LMO7: variants seen among roughly 807,000 people sequenced by gnomAD.
LMO7 encodes the protein LIM domain 7.
A neutral mutation model predicts 206.5 loss-of-function variants in LMO7; 120 were observed. The observed-to-expected ratio is 0.58, with a 90% CI of 0.50 to 0.68. The LOEUF (loss-of-function observed/expected upper bound fraction) is 0.68, where lower values mean the gene tolerates loss of function less well. Ranked by LOEUF, LMO7 falls within the 30% of genes least tolerant of loss-of-function variation. The probability of loss-of-function intolerance (pLI) is 0.00; values close to 1 mark genes in which losing one functional copy is unlikely to be tolerated. For synonymous variants in LMO7, 706 were observed against 681.5 expected, an observed-to-expected ratio of 1.04 and a Z score of -0.56; for missense variants, 1,959 against 1,957.9, an observed-to-expected ratio of 1.00 and a Z score of -0.01.
intron 11 of LMO7, among the ~76,000 whole-genome samples, chr13:75,814,820 G>T (rs2056806766): frequency 6.6e-6 from 1 of 152,154 alleles, no homozygotes; most frequent in Admixed American, 6.5e-5. Context: ...CTGGAAGTGA[G>T]AGAGAAGCTA....
intron 19 of LMO7, among the ~76,000 whole-genome samples, 166 bp downstream of exon 19, chr13:75,836,623 G>A (rs2273995): frequency 0.015 from 2,252 of 152,282 alleles, 50 homozygotes; most frequent in East Asian, 0.1. Context: ...GTGGAAGGGC[G>A]TTCAGTTCCA....
In LMO7 at chr13:75,805,194, G is replaced by A. The variant is rs868290358; in HGVS notation, c.915-285G>A. 109 of 1,230,798 alleles carry A rather than the reference G, an allele frequency of 8.9e-5. No homozygotes were observed. In the South Asian group the frequency reaches 1.4e-3, roughly 16 times the overall value. The allele number at this position is 1,230,798 out of a possible 1,614,324, so 76.2% of individuals were successfully genotyped here. On this transcript the variant is annotated intron_variant, in intron 8 of 30. Coordinates refer to ENST00000377534, the MANE Select transcript of LMO7 (RefSeq NM_001306080.2). The stretch of plus-strand genomic sequence containing the variant: ...GGATCTGGCTGTCTATTATGCTGCT[G>A]ATTTTAATTCAGAAAGTAACACCCC...
intron 2 of LMO7, among the ~76,000 whole-genome samples, chr13:75,629,589 A>G (rs1423069204): frequency 6.6e-6 from 1 of 152,200 alleles, no homozygotes; most frequent in Non-Finnish European, 1.5e-5. Flanking sequence ...TCGTGGTTAG[A>G]GAAGCAGGAA....
chr13:75,844,956 G>A (rs558711424), intron 25 of LMO7, among the ~76,000 whole-genome samples: 9 of 152,272 alleles, frequency 5.9e-5, no homozygotes, highest in Admixed American at 2.0e-4. Context: ...GGGGAAGTGG[G>A]ACAGTCTGAC....
intron 15 of LMO7, among the ~76,000 whole-genome samples, chr13:75,830,882 A>G (rs572573981): frequency 6.6e-6 from 1 of 152,276 alleles, no homozygotes; most frequent in African/African-American, 2.4e-5. Context: ...CCTGTCTTTT[A>G]TTCTTCAAGC....
rs762244308 is a variant in LMO7, at chr13:75,727,025, T to A, written c.141-4T>A. On this transcript the variant is annotated splice_polypyrimidine_tract_variant and splice_region_variant and intron_variant, in intron 2 of 30. Transcript: ENST00000377534. ...AATTGCATCTGTTATTTATTTACTT[T>A]CAGTTTGATTAATAAGCTTAAACCT... The A allele has an allele frequency of 2.0e-6, 3 of 1,525,154 alleles. No homozygotes were observed. Among genetic ancestry groups the A allele is most frequent in the Admixed American group, 1.7e-5 (1 of 59,482 alleles). The allele number at this position is 1,525,154 out of a possible 1,614,324, so 94.5% of individuals were successfully genotyped here. A position where few individuals can be genotyped will look rare whatever the true frequency, so the allele number is the denominator to read the frequency against.
intron 11 of LMO7, among the ~76,000 whole-genome samples, chr13:75,813,362 T>C (rs184104213): frequency 3.3e-5 from 5 of 152,338 alleles, no homozygotes; most frequent in Non-Finnish European, 7.4e-5. Flanking sequence ...TTAAAAATGC[T>C]ACCCACACAG....
intron 7 of LMO7, among the ~76,000 whole-genome samples, chr13:75,802,895 G>A (rs1432104368): frequency 6.6e-6 from 1 of 152,132 alleles, no homozygotes; most frequent in Admixed American, 6.5e-5. Flanking sequence ...ACATTCTCTA[G>A]TTTTACGTGA....
intron 4 of LMO7, among the ~76,000 whole-genome samples, chr13:75,789,488 G>C (rs1320590660): frequency 6.6e-6 from 1 of 152,150 alleles, no homozygotes; most frequent in Non-Finnish European, 1.5e-5. Flanking sequence ...TTACTCCCAC[G>C]TGGGGAAAAA....
intron 1 of LMO7, among the ~76,000 whole-genome samples, chr13:75,706,539 T>G (rs1204936475): frequency 6.7e-6 from 1 of 149,726 alleles, no homozygotes; most frequent in Non-Finnish European, 1.5e-5. Flanking sequence ...AGAACTTATC[T>G]TATACTGAAA....
chr13:75,636,975 A>C (rs2035958727), intron 1 of LMO7, among the ~76,000 whole-genome samples: 1 of 152,098 alleles, frequency 6.6e-6, no homozygotes, highest in African/African-American at 2.4e-5. Flanking sequence ...TTCCTAGGGC[A>C]GAGGTGGGCG....
At chr13:75,814,934 T>TG (rs2056820870) in intron 11 of LMO7, among the ~76,000 whole-genome samples, 2 of 150,998 alleles carry the variant, frequency 1.3e-5, no homozygotes, top group East Asian at 1.9e-4. Flanking sequence ...GCAGAGGGAG[T>TG]GGGGGCATGG....
chr13:75,691,341 A>G (rs2041459820), intron 1 of LMO7, among the ~76,000 whole-genome samples: 1 of 152,226 alleles, frequency 6.6e-6, no homozygotes, highest in South Asian at 2.1e-4. Flanking sequence ...TAGTTTAAAA[A>G]ATGCAGACTG....
rs138809597 is a variant in LMO7, at chr13:75,804,405, C to G, written c.778C>G (p.Arg260Gly). The change falls in exon 8 of 31, where the codon CGT becomes GGT. Residue 260 changes from arginine (R) to glycine (G), a missense_variant. Coordinates refer to ENST00000377534, the MANE Select transcript of LMO7 (RefSeq NM_001306080.2). ...VEPKTALPFN[R>G]FLPNKSRQPS... Reference sequence around the variant, plus strand: ...GCCAAAGACTGCGTTACCCTTCAATCGTTTTTTACCCAACAAAAGTAGACA... The same window carrying G: ...GCCAAAGACTGCGTTACCCTTCAATGGTTTTTTACCCAACAAAAGTAGACA... 1 of 1,614,140 alleles carries G rather than the reference C, an allele frequency of 6.2e-7. No individual in the cohort carries two copies. Among genetic ancestry groups the G allele is most frequent in the East Asian group, 2.2e-5 (1 of 44,882 alleles).
rs556760802 is a variant in LMO7 at position 75,823,410 on chromosome 13, G to T, written c.2641-155G>T. Among the ~76,000 whole-genome samples the T allele has an allele frequency of 8.5e-5, 13 of 152,244 alleles. No homozygotes were observed. The East Asian group carries it at 1.5e-3, about 18-fold the overall frequency. On this transcript the variant is annotated intron_variant, in intron 14 of 30. Transcript: ENST00000377534. ...TTCCCTCACTACGTGTTTATCTGTTGGTGTGAAAGAACTCAGCCCAAGCTT... is the reference window on the plus strand; with the variant it reads ...TTCCCTCACTACGTGTTTATCTGTTTGTGTGAAAGAACTCAGCCCAAGCTT...
intron 4 of LMO7, among the ~76,000 whole-genome samples, chr13:75,785,124 A>C (rs2052204068): frequency 6.6e-6 from 1 of 152,190 alleles, no homozygotes; most frequent in Admixed American, 6.5e-5. Context: ...TTAGGAAAGA[A>C]ATTATTGGCA....
intron 3 of LMO7, among the ~76,000 whole-genome samples, chr13:75,732,184 TG>T (rs1566364196): frequency 1.3e-5 from 2 of 152,202 alleles, no homozygotes; most frequent in Admixed American, 1.3e-4. Flanking sequence ...CTTGCTAGAT[TG>T]GGGAAGTTCT....
At chr13:75,732,657 A>G (rs1331909734) in intron 3 of LMO7, among the ~76,000 whole-genome samples, 2 of 152,012 alleles carry the variant, frequency 1.3e-5, no homozygotes, top group African/African-American at 2.4e-5. Context: ...GCTTTGTTCC[A>G]TTGCTGGTGA....
intron 1 of LMO7, among the ~76,000 whole-genome samples, chr13:75,655,527 TTCTA>T (rs1340520690): frequency 6.6e-6 from 1 of 151,834 alleles, no homozygotes; most frequent in Non-Finnish European, 1.5e-5. Flanking sequence ...TTTCCATGAT[TTCTA>T]TCTCTTTGTA....
Sources: gnomAD v4.1 joint callset for allele counts (sites outside exome capture counted in the v4.1 genomes callset) on GRCh38, gnomAD v4.1.1 for gene constraint, MANE v1.5 for transcripts, NCBI Gene and HGNC (gene_info 2026-07-23, HGNC 2026-07-21) for gene names.